Variants in ZC3H6 observed in about 807,000 individuals in gnomAD.
ZC3H6 encodes zinc finger CCCH-type containing 6.
Under a neutral mutation model 107.7 loss-of-function variants are expected in ZC3H6, and 40 were observed. That is an observed-to-expected ratio of 0.37 (90% CI 0.29 to 0.48). The LOEUF is 0.48. ZC3H6 is among the 20% of genes least tolerant of loss of function. The pLI is 0.98. For synonymous variants in ZC3H6, 493 were observed against 487.9 expected (o/e 1.01, Z -0.14); for missense variants, 1,267 against 1,410.4 (o/e 0.90, Z 1.63).
Position 112,331,759 on chromosome 2 carries a change from A to T in ZC3H6, c.2841A>T (p.Leu947=). 1 of 1,613,736 alleles carries T rather than the reference A, an allele frequency of 6.2e-7. No individual in the cohort carries two copies. Among genetic ancestry groups the T allele is most frequent in the Non-Finnish European group, 8.5e-7 (1 of 1,179,828 alleles). The part of the protein sequence containing the change: ...KINTTNREGY[L]EQFGDSHGSG... Reference sequence around the variant, plus strand: ...ACACAACAAACAGAGAAGGCTACCTAGAACAATTTGGAGACTCACACGGTT... The same window carrying T: ...ACACAACAAACAGAGAAGGCTACCTTGAACAATTTGGAGACTCACACGGTT... The change falls in exon 12 of 12, where the codon CTA becomes CTT. Residue 947 remains leucine, a synonymous_variant. Transcript: ENST00000409871.
intron 4 of ZC3H6, 79 bp from the exon 5 acceptor site, chr2:112,311,725 T>C (rs1261628095): frequency 7.7e-7 from 1 of 1,297,582 alleles, no homozygotes; most frequent in Non-Finnish European, 1.1e-6. Flanking sequence ...ACTATTAAAA[T>C]GTGCTGTTCC....
chr2:112,323,361 C>T (rs761611364), intron 9 of ZC3H6, among the ~76,000 whole-genome samples: 4 of 152,186 alleles, frequency 2.6e-5, no homozygotes, highest in Non-Finnish European at 2.9e-5. Flanking sequence ...GTCTGTGCAC[C>T]TGGGCCCTAA....
At chr2:112,305,732 TCA>T (rs1366771846) in intron 3 of ZC3H6, among the ~76,000 whole-genome samples, 6 of 152,344 alleles carry the variant, frequency 3.9e-5, no homozygotes, top group Non-Finnish European at 7.3e-5. Context: ...TCAAATTCTC[TCA>T]GTTTTTATTT....
chr2:112,324,050 T>C (rs939872761), intron 9 of ZC3H6, 102 bp from the exon 10 acceptor site: 1 of 1,286,516 alleles, frequency 7.8e-7, no homozygotes, highest in Admixed American at 2.4e-5. Context: ...TATTCTATTC[T>C]GATGTAAAAA....
chr2:112,322,150 T>TCCTCCCTC (rs969447935), intron 8 of ZC3H6, among the ~76,000 whole-genome samples: 2 of 143,786 alleles, frequency 1.4e-5, no homozygotes, highest in Non-Finnish European at 3.0e-5. Context: ...CCTCCTTCCT[T>TCCTCCCTC]CCTCCCTCCC....
intron 1 of ZC3H6, among the ~76,000 whole-genome samples, chr2:112,285,867 A>G (rs531883851): frequency 6.6e-6 from 1 of 152,204 alleles, no homozygotes; most frequent in South Asian, 2.1e-4. Context: ...AGGCTGAGGC[A>G]GGAGAACTGC....
chr2:112,309,359 T>A (rs1438851591), intron 3 of ZC3H6, among the ~76,000 whole-genome samples: 2 of 152,234 alleles, frequency 1.3e-5, no homozygotes, highest in East Asian at 3.8e-4. Flanking sequence ...ATTCACTAGA[T>A]GTTTTTCACT....
At chr2:112,313,906 C>G (rs1359934894) in intron 5 of ZC3H6, among the ~76,000 whole-genome samples, 1 of 152,266 alleles carries the variant, frequency 6.6e-6, no homozygotes, top group East Asian at 1.9e-4. Context: ...CAAGAGTAGT[C>G]ACAAAGAAGC....
chr2:112,299,840 C>T lies in ZC3H6; in HGVS notation c.33-9C>T. On this transcript the variant is annotated splice_polypyrimidine_tract_variant and intron_variant, in intron 1 of 11. Transcript: ENST00000409871. ...ATGATATTTGAAAATTAAAATTTTC[C>T]TTCTATAGAGAAGATGGCGAATTAG... 1 of 1,377,644 alleles carries T rather than the reference C, an allele frequency of 7.3e-7. No homozygotes were observed. The highest frequency in any genetic ancestry group is 9.4e-7 in the Non-Finnish European group (1 of 1,060,204). The allele number at this position is 1,377,644 out of a possible 1,614,324, so 85.3% of individuals were successfully genotyped here. A position where few individuals can be genotyped will look rare whatever the true frequency, so the allele number is the denominator to read the frequency against.
intron 3 of ZC3H6, among the ~76,000 whole-genome samples, chr2:112,304,989 T>G (rs199967451): frequency 1.3e-5 from 2 of 152,218 alleles, no homozygotes; most frequent in East Asian, 3.8e-4. Context: ...TATACACTAG[T>G]TAATAATTTT....
At chr2:112,305,359 TA>T (rs959606216) in intron 3 of ZC3H6, among the ~76,000 whole-genome samples, 2 of 152,192 alleles carry the variant, frequency 1.3e-5, no homozygotes, top group Admixed American at 6.5e-5. Context: ...GTGGCAGCAT[TA>T]TTGTAATAAG....
At chr2:112,320,418 A>C (rs1197429529) in intron 7 of ZC3H6, among the ~76,000 whole-genome samples, 1 of 152,066 alleles carries the variant, frequency 6.6e-6, no homozygotes. Context: ...CCAGACCCTA[A>C]ATTCTCATTT....
At chr2:112,287,787 A>G (rs560893881) in intron 1 of ZC3H6, among the ~76,000 whole-genome samples, 1 of 152,314 alleles carries the variant, frequency 6.6e-6, no homozygotes, top group South Asian at 2.1e-4. Flanking sequence ...TATTTTTAGT[A>G]GAGACAGGGT....
chr2:112,309,924 G>A lies in ZC3H6; in HGVS notation c.376G>A (p.Gly126Ser), dbSNP rs963477454. Reference sequence around the variant, plus strand: ...AGGAAGCTACATAACATCAAAGAAGGGTCAACATAACAAAAAATTTAAAAG... The same window carrying A: ...AGGAAGCTACATAACATCAAAGAAGAGTCAACATAACAAAAAATTTAAAAG... ...ISGSYITSKK[G>S]QHNKKFKSKE... Residue 126 changes from glycine (G) to serine (S), a missense_variant, in exon 4 of 12, where the codon GGT (glycine) becomes AGT (serine). This residue lies in a region of ZC3H6 where 337 missense variants were observed against 361.2 expected (regional missense o/e 0.93). Coordinates refer to ENST00000409871, the MANE Select transcript of ZC3H6 (RefSeq NM_198581.3). 1.9e-6 allele frequency: 3 copies of A among 1,594,938 alleles called. No homozygotes were observed. The highest frequency in any genetic ancestry group is 1.7e-6 in the Non-Finnish European group (2 of 1,170,084).
chr2:112,318,485 C>T (rs920390430), intron 7 of ZC3H6, among the ~76,000 whole-genome samples: 2 of 152,048 alleles, frequency 1.3e-5, no homozygotes, highest in Admixed American at 6.6e-5. Flanking sequence ...AGATAATTCC[C>T]AGAAAGAGAA....
In ZC3H6 at chr2:112,336,436, C is replaced by T. The variant is rs1007622012; in HGVS notation, c.*3948C>T. Reference sequence around the variant, plus strand: ...TGGCAGCACTTGATGACATTATGTTCAAAATTAAGTCCAGTAAAATATATA... The same window carrying T: ...TGGCAGCACTTGATGACATTATGTTTAAAATTAAGTCCAGTAAAATATATA... On this transcript the variant is annotated 3_prime_UTR_variant, in exon 12 of 12. Coordinates refer to ENST00000409871, the MANE Select transcript of ZC3H6 (RefSeq NM_198581.3). The T allele has an allele frequency of 6.6e-5, 10 of 152,078 alleles. No individual in the cohort carries two copies. Among genetic ancestry groups the T allele is most frequent in the Non-Finnish European group, 1.2e-4 (8 of 68,006 alleles). The allele number at this position is 152,078 out of a possible 1,614,324, so 9.4% of individuals were successfully genotyped here.
rs1159422033 is a variant in ZC3H6 at position 112,333,825 on chromosome 2, A to C, written c.*1337A>C. 1 of 152,134 alleles carries C rather than the reference A, an allele frequency of 6.6e-6. No homozygotes were observed. The highest frequency in any genetic ancestry group is 1.5e-5 in the Non-Finnish European group (1 of 67,980). The allele number at this position is 152,134 out of a possible 1,614,324, so 9.4% of individuals were successfully genotyped here. On this transcript the variant is annotated 3_prime_UTR_variant, in exon 12 of 12. Transcript: ENST00000409871. ...AAAAGATAATGAAGTAGGTAATGAA[A>C]TCAGTCCTTGAATGAAAGCAGTGCC...
At chr2:112,281,253 A>G (rs1360819759) in intron 1 of ZC3H6, among the ~76,000 whole-genome samples, 2 of 152,186 alleles carry the variant, frequency 1.3e-5, no homozygotes, top group Non-Finnish European at 2.9e-5. Flanking sequence ...ATTCAGACCC[A>G]AGACATTTGA....
chr2:112,325,854 A>G (rs1326519963), intron 11 of ZC3H6, among the ~76,000 whole-genome samples: 2 of 152,106 alleles, frequency 1.3e-5, no homozygotes, highest in African/African-American at 4.8e-5. Flanking sequence ...AACTAAGTTT[A>G]TCTTAGTATT....
Sources: gnomAD v4.1 joint callset for allele counts (sites outside exome capture counted in the v4.1 genomes callset) on GRCh38, gnomAD v4.1.1 for gene constraint, gnomAD v4.1.1 regional missense constraint, MANE v1.5 for transcripts, NCBI Gene and HGNC (gene_info 2026-07-23, HGNC 2026-07-21) for gene names.